RYR3: variants seen among roughly 807,000 people sequenced by gnomAD.
RYR3 encodes brain ryanodine receptor-calcium release channel.
RYR3 carries 207 observed loss-of-function variants against 584.3 expected under a neutral mutation model. The observed-to-expected ratio is 0.35, with a 90% CI of 0.32 to 0.40. The LOEUF (loss-of-function observed/expected upper bound fraction) is 0.40, where lower values mean the gene tolerates loss of function less well. Ranked by LOEUF, RYR3 falls within the 10% of genes least tolerant of loss-of-function variation. The probability of loss-of-function intolerance (pLI) is 1.00; values close to 1 mark genes in which losing one functional copy is unlikely to be tolerated. For missense variants in RYR3, 5,616 were observed against 6,089.2 expected (o/e 0.92, Z 2.59); for synonymous variants, 2,416 against 2,248.5 (o/e 1.07, Z -2.11).
chr15:33,810,380 C>T, intron 70 of RYR3, 99 bp from the exon 71 acceptor site: 1 of 1,230,004 alleles, frequency 8.1e-7, no homozygotes, highest in Non-Finnish European at 1.2e-6. Flanking sequence ...CCACCCTATA[C>T]TGACAGGGCC....
chr15:33,460,940 CTTTTTTT>C (rs66742049), intron 1 of RYR3, among the ~76,000 whole-genome samples: 3 of 79,212 alleles, frequency 3.8e-5, no homozygotes, highest in Non-Finnish European at 6.7e-5. Context: ...TAATATCCAC[CTTTTTTT>C]TTTTTTTTTT....
chr15:33,580,258 G>A, intron 13 of RYR3, 114 bp downstream of exon 13: 1 of 858,674 alleles, frequency 1.2e-6, no homozygotes, highest in South Asian at 2.0e-5. Flanking sequence ...AGAGCCAGAG[G>A]ACAAGAGAGA....
intron 16 of RYR3, among the ~76,000 whole-genome samples, chr15:33,587,126 C>T (rs1253132967): frequency 6.6e-6 from 1 of 152,070 alleles, no homozygotes; most frequent in African/African-American, 2.4e-5. Context: ...AAGCCATGGT[C>T]CTTAGCATGT....
intron 25 of RYR3, among the ~76,000 whole-genome samples, chr15:33,635,389 G>T (rs978500035): frequency 6.6e-6 from 1 of 152,208 alleles, no homozygotes. Context: ...CTGAGAAGTG[G>T]TCTCTAAAGG....
chr15:33,776,944 G>A (rs555979324), intron 64 of RYR3, among the ~76,000 whole-genome samples: 10 of 152,348 alleles, frequency 6.6e-5, no homozygotes, highest in South Asian at 2.1e-4. Context: ...GACCAAGTAT[G>A]TATTGTGTGA....
In RYR3 at chr15:33,865,216, A is replaced by C. The variant is rs1197509232; in HGVS notation, c.14603A>C (p.Gln4868Pro). 6.2e-7 allele frequency: 1 copy of C among 1,612,428 alleles called. No individual in the cohort carries two copies. Among genetic ancestry groups the C allele is most frequent in the Non-Finnish European group, 8.5e-7 (1 of 1,178,944 alleles). Residue 4868 changes from glutamine (Q) to proline (P), a missense_variant, in exon 104 of 104, where the codon CAG becomes CCG. By Grantham distance (76) the Gln-to-Pro change is moderately conservative. Around this residue, in one of 9 missense-constraint regions of RYR3, gnomAD observed 918 missense variants for 887.4 expected, o/e 1.03. Coordinates refer to ENST00000634891, the MANE Select transcript of RYR3 (RefSeq NM_001036.6). ...GDCFRKQYED[Q>P]LG ...TGCTTTCGTAAACAATATGAAGATC[A>C]GCTTGGATAAATCTGAATCAAAGAA...
intron 1 of RYR3, among the ~76,000 whole-genome samples, chr15:33,459,164 CAG>C (rs543332053): frequency 4.5e-4 from 69 of 152,344 alleles, no homozygotes; most frequent in African/African-American, 1.7e-3. Flanking sequence ...TATATTTTTA[CAG>C]GTGCTCCAGA....
chr15:33,828,314 C>T lies in RYR3; in HGVS notation c.11334+1027C>T, dbSNP rs190158957. Among the ~76,000 whole-genome samples the T allele has an allele frequency of 4.6e-5, 7 of 152,298 alleles. 1 individual carries two copies. The highest frequency in any genetic ancestry group is 3.3e-4 in the Admixed American group (5 of 15,288). Reference sequence around the variant, plus strand: ...ATTGAAGTTAGGTCAGTTAATTTCCCTACAGTGGCCTCCAAGTGTTCAAGT... The same window carrying T: ...ATTGAAGTTAGGTCAGTTAATTTCCTTACAGTGGCCTCCAAGTGTTCAAGT... On this transcript the variant is annotated intron_variant, in intron 85 of 103. Coordinates refer to ENST00000634891, the MANE Select transcript of RYR3 (RefSeq NM_001036.6).
intron 5 of RYR3, among the ~76,000 whole-genome samples, chr15:33,534,790 G>T (rs2141091632): frequency 6.6e-6 from 1 of 152,318 alleles, no homozygotes; most frequent in East Asian, 1.9e-4. Context: ...TTAATGAGCA[G>T]GAGAACAGCC....
chr15:33,725,787 G>A (rs1212830899), intron 45 of RYR3, among the ~76,000 whole-genome samples: 3 of 110,758 alleles, frequency 2.7e-5, no homozygotes, highest in Admixed American at 1.1e-4. Context: ...ATGAAACCCC[G>A]TCTCTACTAA....
At chr15:33,499,551 G>A (rs1234776633) in intron 2 of RYR3, among the ~76,000 whole-genome samples, 1 of 152,174 alleles carries the variant, frequency 6.6e-6, no homozygotes, top group African/African-American at 2.4e-5. Flanking sequence ...ATATAAGTGA[G>A]TTACTGAGTT....
intron 10 of RYR3, among the ~76,000 whole-genome samples, chr15:33,556,527 C>T (rs2057075165): frequency 6.6e-6 from 1 of 152,156 alleles, no homozygotes; most frequent in Non-Finnish European, 1.5e-5. Flanking sequence ...GTTTTTACCA[C>T]AGGACTAACA....
At chr15:33,380,686 G>A (rs2041120464) in intron 1 of RYR3, among the ~76,000 whole-genome samples, 1 of 152,202 alleles carries the variant, frequency 6.6e-6, no homozygotes, top group African/African-American at 2.4e-5. Flanking sequence ...CATGCCCTGG[G>A]TAGTGCTTTT....
intron 41 of RYR3, 63 bp downstream of exon 41, chr15:33,699,896 A>T (rs1006587223): frequency 3.9e-6 from 6 of 1,550,190 alleles, no homozygotes. Context: ...CCTTTTGACC[A>T]CTTAGGAAAA....
chr15:33,695,991 C>T (rs151152585), intron 38 of RYR3, among the ~76,000 whole-genome samples: 2,082 of 132,272 alleles, frequency 0.016, 32 homozygotes, highest in Middle Eastern at 0.039. Flanking sequence ...AACAGGGTCT[C>T]GCTTTGTGGC....
intron 41 of RYR3, 115 bp from the exon 42 acceptor site, chr15:33,700,862 C>G (rs1049195125): frequency 7.8e-6 from 5 of 642,296 alleles, no homozygotes; most frequent in Non-Finnish European, 1.4e-5. Flanking sequence ...TCATGTAAGC[C>G]AGGTTTCAGT....
At chr15:33,816,831 T>C in intron 74 of RYR3, 31 bp from the exon 75 acceptor site, 1 of 1,470,468 alleles carries the variant, frequency 6.8e-7, no homozygotes. Context: ...CATGGATCCC[T>C]CTTGACCTCC....
intron 18 of RYR3, among the ~76,000 whole-genome samples, chr15:33,605,797 T>C (rs1023772056): frequency 6.6e-6 from 1 of 152,224 alleles, no homozygotes; most frequent in African/African-American, 2.4e-5. Context: ...AATTTCAGAC[T>C]ATCTTATGAA....
intron 1 of RYR3, among the ~76,000 whole-genome samples, chr15:33,435,997 A>C (rs1418029800): frequency 7.4e-6 from 1 of 135,918 alleles, no homozygotes; most frequent in Non-Finnish European, 1.7e-5. Context: ...TGATTGGTCC[A>C]TTTTACAGAG....
Sources: gnomAD v4.1 joint callset for allele counts (sites outside exome capture counted in the v4.1 genomes callset) on GRCh38, gnomAD v4.1.1 for gene constraint, gnomAD v4.1.1 regional missense constraint, MANE v1.5 for transcripts, NCBI Gene and HGNC (gene_info 2026-07-23, HGNC 2026-07-21) for gene names.